Variants in GRIP1 observed in about 807,000 individuals in gnomAD.
The protein encoded by GRIP1 is glutamate receptor interacting protein 1, also known as glutamate receptor-interacting protein 1.
Under a neutral mutation model 129.9 loss-of-function variants are expected in GRIP1, and 45 were observed. The ratio of observed to expected loss-of-function variants is 0.35; its 90% CI spans 0.27 to 0.44. GRIP1 has a LOEUF of 0.44. GRIP1 is among the 20% of genes least tolerant of loss of function. The probability of loss-of-function intolerance (pLI) is 1.00; values close to 1 mark genes in which losing one functional copy is unlikely to be tolerated. For synonymous variants in GRIP1, 530 were observed against 520.8 expected (o/e 1.02, Z -0.24); for missense variants, 1,196 against 1,396.8 (o/e 0.86, Z 2.29).
At chr12:67,065,409 T>A (rs1261984191) in intron 1 of GRIP1, 2 of 152,000 alleles carry the variant, frequency 1.3e-5, no homozygotes, top group African/African-American at 4.8e-5. Flanking sequence ...CCAAAACTTG[T>A]AAGAGGAAAA....
At chr12:67,026,887 C>T (rs1163960706) in intron 1 of GRIP1, among the ~76,000 whole-genome samples, 1 of 152,088 alleles carries the variant, frequency 6.6e-6, no homozygotes, top group African/African-American at 2.4e-5. Context: ...GTTGTGAATT[C>T]CCATCCAAAT....
intron 5 of GRIP1, among the ~76,000 whole-genome samples, chr12:66,528,134 GTT>G (rs59443918): frequency 2.0e-5 from 2 of 99,236 alleles, no homozygotes; most frequent in East Asian, 3.6e-4. Flanking sequence ...GAATTAGTAG[GTT>G]TTTTTTTTTT....
intron 23 of GRIP1, among the ~76,000 whole-genome samples, chr12:66,365,874 A>C (rs1454622846): frequency 6.6e-6 from 1 of 152,220 alleles, no homozygotes; most frequent in Non-Finnish European, 1.5e-5. Flanking sequence ...CTTTACCAGA[A>C]AAAAATGCTA....
intron 23 of GRIP1, among the ~76,000 whole-genome samples, chr12:66,355,234 G>A (rs1042097137): frequency 6.6e-6 from 1 of 152,122 alleles, no homozygotes; most frequent in African/African-American, 2.4e-5. Flanking sequence ...GTGTGTGTGT[G>A]TGCACACACA....
intron 1 of GRIP1, among the ~76,000 whole-genome samples, chr12:66,688,542 G>A (rs12321555): frequency 0.021 from 3,232 of 152,066 alleles, 120 homozygotes; most frequent in African/African-American, 0.074. Context: ...AAAGAAAAAG[G>A]TCTCACTCTT....
At chr12:66,810,982 G>C (rs1169265548) in intron 1 of GRIP1, among the ~76,000 whole-genome samples, 1 of 152,158 alleles carries the variant, frequency 6.6e-6, no homozygotes, top group Non-Finnish European at 1.5e-5. Flanking sequence ...GAGTTAAAAA[G>C]ACAGTGGAGG....
chr12:66,472,768 G>A (rs943880212), intron 7 of GRIP1, among the ~76,000 whole-genome samples: 14 of 152,168 alleles, frequency 9.2e-5, no homozygotes, highest in African/African-American at 3.1e-4. Flanking sequence ...GAGGGACTGT[G>A]CTGTGAGGAA....
At chr12:66,694,898 A>T (rs1283936023) in intron 1 of GRIP1, among the ~76,000 whole-genome samples, 2 of 152,200 alleles carry the variant, frequency 1.3e-5, no homozygotes, top group African/African-American at 2.4e-5. Context: ...AGCTAGTTGC[A>T]GGCTGAGGGT....
intron 1 of GRIP1, among the ~76,000 whole-genome samples, chr12:67,040,063 T>G (rs941362915): frequency 1.3e-5 from 2 of 152,184 alleles, no homozygotes; most frequent in African/African-American, 4.8e-5. Flanking sequence ...ACTTTTTAAC[T>G]GACAGCCTCT....
In GRIP1 at chr12:66,515,760, C is replaced by T; in HGVS notation, c.583G>A (p.Gly195Ser). ...AACCTGTCACCGGGTTTGATCGTGC[C>T]CTCTCTGAAGGGAGAATAAAGGAAT... ...VRPGGPADREGTIKPGDRLLS... is the reference protein window; with the variant it reads ...VRPGGPADRESTIKPGDRLLS... Residue 195 changes from glycine (G) to serine (S), a missense_variant, in exon 7 of 25, where the codon GGC (glycine) becomes AGC (serine). Gly to Ser is a moderately conservative substitution (Grantham distance 56). Around this residue, in one of 5 missense-constraint regions of GRIP1, gnomAD observed 16 missense variants for 43.6 expected, o/e 0.37. Coordinates refer to ENST00000359742, the MANE Select transcript of GRIP1 (RefSeq NM_001366722.1). The T allele has an allele frequency of 6.2e-7, 1 of 1,613,410 alleles. No individual in the cohort carries two copies. The highest frequency in any genetic ancestry group is 8.5e-7 in the Non-Finnish European group (1 of 1,179,420).
intron 7 of GRIP1, among the ~76,000 whole-genome samples, chr12:66,492,502 C>T (rs549001247): frequency 3.3e-5 from 5 of 152,254 alleles, no homozygotes; most frequent in African/African-American, 9.6e-5. Context: ...AGCCAAGGCA[C>T]TGAGAGGCAC....
chr12:66,748,871 A>G (rs1174372273), intron 1 of GRIP1, among the ~76,000 whole-genome samples: 1 of 152,226 alleles, frequency 6.6e-6, no homozygotes, highest in African/African-American at 2.4e-5. Flanking sequence ...TCTATAAAAC[A>G]TTTGTACTAT....
chr12:66,872,051 T>C (rs2040305246), intron 1 of GRIP1, among the ~76,000 whole-genome samples: 1 of 152,094 alleles, frequency 6.6e-6, no homozygotes, highest in Non-Finnish European at 1.5e-5. Context: ...ACCCTTGCTA[T>C]ATTTGGGAAA....
At chr12:66,691,415 T>C (rs2034978007) in intron 1 of GRIP1, among the ~76,000 whole-genome samples, 1 of 152,176 alleles carries the variant, frequency 6.6e-6, no homozygotes, top group South Asian at 2.1e-4. Flanking sequence ...AAATATTTCA[T>C]TAAAAATACA....
At position 66,578,806 on chromosome 12, in the gene GRIP1, C is replaced by T. The variant is rs184736915; in HGVS notation, c.136+18041G>A. ...CAGCTCAAGGAGGCCTGCCTGCCTC[C>T]GTAGGCTCCACCTCTCGGGGCAGGG... On this transcript the variant is annotated intron_variant, in intron 2 of 24. Transcript: ENST00000359742. 2.0e-3 allele frequency among the ~76,000 whole-genome samples: 312 copies of T among 152,294 alleles called. 3 individuals are homozygous for T. Among genetic ancestry groups the T allele is most frequent in the African/African-American group, 6.8e-3 (282 of 41,580 alleles).
chr12:66,858,557 G>C (rs2040046684), intron 1 of GRIP1, among the ~76,000 whole-genome samples: 2 of 151,804 alleles, frequency 1.3e-5, no homozygotes, highest in Non-Finnish European at 2.9e-5. Context: ...GTTTCTCTAG[G>C]AAACACTTCA....
rs781324542 is a variant in GRIP1 at position 66,392,308 on chromosome 12, C to T, written c.2464G>A (p.Gly822Ser). ...SAIDTSYGTQ[G>S]TSFQASGYNF... is the part of the protein sequence containing the mutation. Reference sequence around the variant, plus strand: ...TCTGGGGGACAAAGTAAAGACATACCTTGAGTTCCATAGCTGGTGTCTATT... The same window carrying T: ...TCTGGGGGACAAAGTAAAGACATACTTTGAGTTCCATAGCTGGTGTCTATT... The change falls in exon 19 of 25, where the codon GGC becomes AGC. Residue 822 changes from glycine (G) to serine (S), a missense_variant and splice_region_variant. Around this residue, in one of 5 missense-constraint regions of GRIP1, gnomAD observed 427 missense variants for 463.3 expected, o/e 0.92. Transcript: ENST00000359742. 3 of 1,574,818 alleles carry T rather than the reference C, an allele frequency of 1.9e-6. No individual in the cohort carries two copies. The African/African-American group carries it at 4.0e-5, about 21-fold the overall frequency.
intron 1 of GRIP1, among the ~76,000 whole-genome samples, chr12:66,815,854 T>TTCTTTCTTTCTTTCTCTCTCTC (rs1555241802): frequency 9.2e-4 from 108 of 116,822 alleles, no homozygotes; most frequent in East Asian, 1.5e-3. Context: ...CTTTCTTTCT[T>TTCTTTCTTTCTTTCTCTCTCTC]TCTCTCTCTC....
chr12:66,890,568 C>T (rs998426365), intron 1 of GRIP1, among the ~76,000 whole-genome samples: 3 of 152,074 alleles, frequency 2.0e-5, no homozygotes, highest in African/African-American at 7.2e-5. Context: ...AGAAAGATGA[C>T]ACAACATTCG....
Sources: gnomAD v4.1 joint callset for allele counts (sites outside exome capture counted in the v4.1 genomes callset) on GRCh38, gnomAD v4.1.1 for gene constraint, gnomAD v4.1.1 regional missense constraint, MANE v1.5 for transcripts, NCBI Gene and HGNC (gene_info 2026-07-23, HGNC 2026-07-21) for gene names.